SERPINA1: variants seen among roughly 807,000 people sequenced by gnomAD.
The protein encoded by SERPINA1 is alpha-1-antitrypsin.
A neutral mutation model predicts 25.4 loss-of-function variants in SERPINA1; 21 were observed. The observed-to-expected ratio is 0.83, with a 90% confidence interval of 0.59 to 1.19. The LOEUF (loss-of-function observed/expected upper bound fraction) is 1.19. Among genes scored for constraint, SERPINA1 ranks in the 50% most tolerant of loss-of-function variants. SERPINA1 has a pLI of 0.00. For missense variants in SERPINA1, 546 were observed against 509.0 expected, an observed-to-expected ratio of 1.07 and a Z score of -0.70; for synonymous variants, 218 against 211.1, an observed-to-expected ratio of 1.03 and a Z score of -0.29.
chr14:94,379,346 G>T, intron 4 of SERPINA1, 118 bp downstream of exon 4: 1 of 1,441,106 alleles, frequency 6.9e-7, no homozygotes, highest in Non-Finnish European at 9.7e-7. Context: ...CAGGAGCTCA[G>T]CCTGGGTCTT....
chr14:94,387,260 C>A (rs1595624491), intron 1 of SERPINA1, among the ~76,000 whole-genome samples: 2 of 152,356 alleles, frequency 1.3e-5, no homozygotes, highest in East Asian at 3.9e-4. Flanking sequence ...CCTCTCTGAA[C>A]CTCAGTTTCC....
At chr14:94,379,422 T>A (rs760261350) in intron 4 of SERPINA1, 42 bp downstream of exon 4, 1 of 1,607,494 alleles carries the variant, frequency 6.2e-7, no homozygotes, top group African/African-American at 1.4e-5. Context: ...CATTCTTCCC[T>A]ACAGATACCA....
chr14:94,385,662 T>G (rs1308945588), intron 1 of SERPINA1, among the ~76,000 whole-genome samples: 4 of 152,168 alleles, frequency 2.6e-5, no homozygotes, highest in Non-Finnish European at 5.9e-5. Flanking sequence ...GGGTTCAATG[T>G]AGCAAAACAG....
chr14:94,378,231 C>A lies in SERPINA1; in HGVS notation c.*218G>T. The A allele has an allele frequency of 1.7e-6, 1 of 600,472 alleles. No homozygotes were observed. The highest frequency in any genetic ancestry group is 2.0e-5 in the South Asian group (1 of 49,602). The allele number at this position is 600,472 out of a possible 1,614,324, so 37.2% of individuals were successfully genotyped here. A position where few individuals can be genotyped will look rare whatever the true frequency, so the allele number is the denominator to read the frequency against. On this transcript the variant is annotated 3_prime_UTR_variant, in exon 5 of 5. Coordinates refer to ENST00000393087, the MANE Select transcript of SERPINA1 (RefSeq NM_000295.5). ...CCCCTGGATTCAAGCCCAGCATGTG[C>A]CTACCCAGCCAGATGCTCCATGAAC...
At position 94,379,479 on chromosome 14, in the gene SERPINA1, G is replaced by C. The variant is rs2139672482; in HGVS notation, c.1050C>G (p.Pro350=). ...GTGATCTCACCTTGGAGAGCTTCAG[G>C]GGTGCCTCCTCTGTGACCCCGGAGA... The part of the protein sequence containing the change: ...ADLSGVTEEA[P]LKLSKAVHKA... Residue 350 remains proline (P), a synonymous_variant, in exon 4 of 5, where the codon CCC becomes CCG. Transcript: ENST00000393087. 7 of 1,614,188 alleles carry C rather than the reference G, an allele frequency of 4.3e-6. No individual in the cohort carries two copies. In the East Asian group the frequency reaches 1.6e-4, roughly 36 times the overall value.
chr14:94,387,844 T>A (rs2139721628), intron 1 of SERPINA1, among the ~76,000 whole-genome samples: 1 of 152,280 alleles, frequency 6.6e-6, no homozygotes, highest in East Asian at 1.9e-4. Flanking sequence ...TGAGGCTTAA[T>A]CACGCACTGA....
chr14:94,379,729 C>T, intron 3 of SERPINA1, 118 bp from the exon 4 acceptor site: 1 of 1,367,646 alleles, frequency 7.3e-7, no homozygotes, highest in Non-Finnish European at 1.0e-6. Flanking sequence ...CCTGTGTCCT[C>T]CACCCACACT....
At position 94,378,077 on chromosome 14, in the gene SERPINA1, G is replaced by GA; in HGVS notation, c.*371_*372insT. On this transcript the variant is annotated 3_prime_UTR_variant, in exon 5 of 5. Transcript: ENST00000393087. ...GGGGGACATGAAGATGCTTGGTGGA[G>GA]CCTGGGGTCATGGCTGGTATCTGGT... The GA allele has an allele frequency of 3.7e-6, 1 of 271,174 alleles. No individual in the cohort carries two copies. Among genetic ancestry groups the GA allele is most frequent in the South Asian group, 5.3e-5 (1 of 18,898 alleles). 16.8% of individuals were successfully genotyped at this position (271,174 alleles called of 1,614,324 possible). A position where few individuals can be genotyped will look rare whatever the true frequency, so the allele number is the denominator to read the frequency against.
At chr14:94,386,248 G>A (rs1897278502) in intron 1 of SERPINA1, among the ~76,000 whole-genome samples, 1 of 152,180 alleles carries the variant, frequency 6.6e-6, no homozygotes, top group African/African-American at 2.4e-5. Context: ...AAAGAATGAA[G>A]GCTTCATGGT....
At position 94,383,158 on chromosome 14, in the gene SERPINA1, G is replaced by A. The variant is rs190231439; in HGVS notation, c.80C>T (p.Pro27Leu). The stretch of plus-strand genomic sequence containing the variant: ...TGTCTTCTGGGCAGCATCTCCCTGG[G>A]GATCCTCAGCCAGGGAGACAGGGAC... ...CLVPVSLAED[P>L]QGDAAQKTDT... The change falls in exon 2 of 5, where the codon CCC becomes CTC. Residue 27 changes from proline (P) to leucine (L), a missense_variant. Physicochemically the swap from Pro to Leu is moderately conservative, Grantham distance 98 (BLOSUM62 -3). Coordinates refer to ENST00000393087, the MANE Select transcript of SERPINA1 (RefSeq NM_000295.5). 7.4e-6 allele frequency: 12 copies of A among 1,614,192 alleles called. No homozygotes were observed. The Admixed American group carries it at 1.7e-4, about 22-fold the overall frequency.
rs864622049 is a variant in SERPINA1, at chr14:94,383,136, C to A, written c.102G>T (p.Lys34Asn). The A allele has an allele frequency of 1.9e-6, 3 of 1,614,228 alleles. No individual in the cohort carries two copies. The highest frequency in any genetic ancestry group is 1.7e-6 in the Non-Finnish European group (2 of 1,180,040). The change falls in exon 2 of 5, where the codon AAG becomes AAT. Residue 34 changes from lysine (K) to asparagine (N), a missense_variant. By Grantham distance (94) the Lys-to-Asn change is moderately conservative. Transcript: ENST00000393087. ...AEDPQGDAAQ[K>N]TDTSHHDQDH... ...CCTGATCATGGTGGGATGTATCTGTCTTCTGGGCAGCATCTCCCTGGGGAT... is the reference window on the plus strand; with the variant it reads ...CCTGATCATGGTGGGATGTATCTGTATTCTGGGCAGCATCTCCCTGGGGAT...
At chr14:94,389,225 A>G (rs1897516161), upstream of SERPINA1, among the ~76,000 whole-genome samples, 1 of 152,200 alleles carries the variant, frequency 6.6e-6, no homozygotes, top group South Asian at 2.1e-4. Context: ...CACATCTGTA[A>G]AGAAGAGCTG....
chr14:94,390,231 G>A (rs148740031), upstream of SERPINA1, among the ~76,000 whole-genome samples: 3 of 152,208 alleles, frequency 2.0e-5, no homozygotes, highest in Non-Finnish European at 4.4e-5. Flanking sequence ...CTGGCTTCAG[G>A]GCCCCTGTCC....
intron 2 of SERPINA1, 142 bp downstream of exon 2, chr14:94,382,450 T>C (rs1340137525): frequency 2.2e-6 from 2 of 903,740 alleles, no homozygotes; most frequent in Non-Finnish European, 3.5e-6. Context: ...TTAGTGTTTG[T>C]GTGTAGAAAA....
At chr14:94,390,105 T>TAC (rs1897594412), upstream of SERPINA1, among the ~76,000 whole-genome samples, 1 of 152,098 alleles carries the variant, frequency 6.6e-6, no homozygotes, top group Non-Finnish European at 1.5e-5. Context: ...CCAGGCAGTC[T>TAC]CTCATTCAGT....
upstream of SERPINA1, chr14:94,388,833 A>G (rs1327889838): frequency 6.6e-6 from 1 of 152,342 alleles, no homozygotes; most frequent in Non-Finnish European, 1.5e-5. Flanking sequence ...CTCAGAAACC[A>G]CAGCGTCCTG....
At chr14:94,382,471 C>T (rs1896996627) in intron 2 of SERPINA1, 121 bp downstream of exon 2, 2 of 1,155,948 alleles carry the variant, frequency 1.7e-6, no homozygotes, top group Non-Finnish European at 2.6e-6. Flanking sequence ...CTGAAGAATC[C>T]ACGCTGAAAA....
At chr14:94,379,677 C>T in intron 3 of SERPINA1, 66 bp from the exon 4 acceptor site, 3 of 1,607,876 alleles carry the variant, frequency 1.9e-6, no homozygotes, top group Admixed American at 1.7e-5. Flanking sequence ...GGACCCACCA[C>T]AGTGCAAGTG....
chr14:94,387,160 A>G (rs3748318), intron 1 of SERPINA1, among the ~76,000 whole-genome samples: 23,930 of 152,228 alleles, frequency 0.16, 2,085 homozygotes, highest in South Asian at 0.28. Context: ...AGAGGGGAGC[A>G]TCAGTCTGTG....
Sources: gnomAD v4.1 joint callset for allele counts (sites outside exome capture counted in the v4.1 genomes callset) on GRCh38, gnomAD v4.1.1 for gene constraint, MANE v1.5 for transcripts, NCBI Gene and HGNC (gene_info 2026-07-23, HGNC 2026-07-21) for gene names.